RBFOX1: variants seen among roughly 807,000 people sequenced by gnomAD.
RBFOX1 encodes the protein RNA binding protein fox-1 homolog 1.
RBFOX1 carries 8 observed loss-of-function variants against 57.7 expected under a neutral mutation model. The ratio of observed to expected loss-of-function variants is 0.14; its 90% confidence interval spans 0.08 to 0.25. The LOEUF (loss-of-function observed/expected upper bound fraction) is 0.25. Among genes scored for constraint, RBFOX1 ranks in the 10% least tolerant of loss-of-function variants. The pLI is 1.00. For missense variants in RBFOX1, 611 were observed against 548.5 expected (o/e 1.11, Z -1.14); for synonymous variants, 326 against 222.4 (o/e 1.47, Z -4.15).
chr16:7,020,278 T>C (rs1192518928), intron 3 of RBFOX1, among the ~76,000 whole-genome samples: 2 of 152,098 alleles, frequency 1.3e-5, no homozygotes, highest in African/African-American at 4.8e-5. Flanking sequence ...CAGGCTGGAG[T>C]GCAGAGGCAC....
chr16:6,312,377 C>G (rs1268490742), intron 1 of RBFOX1, among the ~76,000 whole-genome samples: 1 of 152,114 alleles, frequency 6.6e-6, no homozygotes. Context: ...CTCATTGCTA[C>G]TTCTGCTGTT....
At position 7,699,156 on chromosome 16, in the gene RBFOX1, C is replaced by T. The variant is rs560608398; in HGVS notation, c.996-9900C>T. Among the ~76,000 whole-genome samples, 17 of 152,266 alleles carry T rather than the reference C, an allele frequency of 1.1e-4. No homozygotes were observed. The South Asian group carries it at 3.3e-3, about 30-fold the overall frequency. ...CCCCAGATAATTGTAATAGAAAAGA[C>T]CTCACACCTTGGGACACACTAACTG... On this transcript the variant is annotated intron_variant, in intron 14 of 15. Coordinates refer to ENST00000550418, the MANE Select transcript of RBFOX1 (RefSeq NM_018723.4).
At chr16:5,300,059 G>T (rs1025762948) in intron 1 of RBFOX1, among the ~76,000 whole-genome samples, 16 of 151,320 alleles carry the variant, frequency 1.1e-4, no homozygotes, top group Non-Finnish European at 1.8e-4. Flanking sequence ...TGAGAAAATT[G>T]TAAGTTTTTT....
chr16:6,877,944 G>C (rs1279129205), intron 3 of RBFOX1, among the ~76,000 whole-genome samples: 4 of 152,114 alleles, frequency 2.6e-5, no homozygotes, highest in African/African-American at 7.2e-5. Context: ...CAGAGTCTTG[G>C]ATTAGCAAAA....
chr16:5,447,409 TC>T (rs2068280816), intron 1 of RBFOX1, among the ~76,000 whole-genome samples: 2 of 147,950 alleles, frequency 1.4e-5, no homozygotes. Flanking sequence ...TCTCTCTCTC[TC>T]GACGCAGTCT....
intron 3 of RBFOX1, among the ~76,000 whole-genome samples, chr16:6,834,913 G>T (rs1301666128): frequency 9.9e-4 from 123 of 123,988 alleles, no homozygotes; most frequent in African/African-American, 3.5e-3. Context: ...TTTTTTTTGA[G>T]ATGGTGTCTC....
chr16:5,428,925 A>G (rs1170806023), intron 1 of RBFOX1, among the ~76,000 whole-genome samples: 2 of 152,032 alleles, frequency 1.3e-5, no homozygotes, highest in Non-Finnish European at 2.9e-5. Context: ...GTATAAGGTG[A>G]TCTTTATGGC....
At chr16:6,840,312 G>A (rs1299267315) in intron 3 of RBFOX1, among the ~76,000 whole-genome samples, 1 of 152,190 alleles carries the variant, frequency 6.6e-6, no homozygotes, top group Non-Finnish European at 1.5e-5. Flanking sequence ...TAGGGTGTAA[G>A]GGGCTGCAGG....
intron 3 of RBFOX1, among the ~76,000 whole-genome samples, chr16:6,900,663 C>T (rs889954429): frequency 1.3e-5 from 2 of 152,212 alleles, no homozygotes; most frequent in Non-Finnish European, 2.9e-5. Flanking sequence ...GACCTCGTCC[C>T]ACCAACATCA....
At chr16:7,610,305 G>C (rs2057230182) in intron 10 of RBFOX1, among the ~76,000 whole-genome samples, 1 of 151,470 alleles carries the variant, frequency 6.6e-6, no homozygotes, top group African/African-American at 2.4e-5. Context: ...TTTTTTTGTA[G>C]AGACAGGGTT....
intron 3 of RBFOX1, among the ~76,000 whole-genome samples, chr16:5,861,041 C>A (rs944493082): frequency 3.9e-5 from 6 of 152,110 alleles, no homozygotes; most frequent in African/African-American, 1.2e-4. Flanking sequence ...GGCTGGTGTA[C>A]CAGAGAGAAC....
chr16:5,474,620 C>G (rs1477625794), intron 2 of RBFOX1, among the ~76,000 whole-genome samples: 1 of 151,778 alleles, frequency 6.6e-6, no homozygotes, highest in South Asian at 2.1e-4. Flanking sequence ...CGCCATTGCA[C>G]TCCAGCCTGG....
chr16:6,413,090 C>T (rs970322139), intron 2 of RBFOX1, among the ~76,000 whole-genome samples: 5 of 152,106 alleles, frequency 3.3e-5, no homozygotes, highest in South Asian at 2.1e-4. Context: ...GAGGCCAAGG[C>T]GGGTGGATCA....
chr16:6,898,993 TATA>T (rs1262316588), intron 3 of RBFOX1, among the ~76,000 whole-genome samples: 2 of 142,966 alleles, frequency 1.4e-5, no homozygotes, highest in Admixed American at 7.2e-5. Context: ...TGTGCATATA[TATA>T]ATGCGTGTAT....
chr16:6,384,989 C>G (rs912866960), intron 2 of RBFOX1, among the ~76,000 whole-genome samples: 2 of 152,190 alleles, frequency 1.3e-5, no homozygotes, highest in East Asian at 1.9e-4. Context: ...GTGGGTGTCA[C>G]TCACCCTATT....
intron 4 of RBFOX1, among the ~76,000 whole-genome samples, chr16:7,272,948 C>T (rs1344406995): frequency 7.1e-6 from 1 of 140,346 alleles, no homozygotes; most frequent in African/African-American, 2.7e-5. Flanking sequence ...TCCTTCCCTG[C>T]TTTCTTCCTT....
chr16:6,299,388 T>C (rs1599359415), intron 1 of RBFOX1, among the ~76,000 whole-genome samples: 1 of 152,342 alleles, frequency 6.6e-6, no homozygotes, highest in Non-Finnish European at 1.5e-5. Flanking sequence ...ATTCTAAAAA[T>C]AGCGTTTTGA....
intron 1 of RBFOX1, among the ~76,000 whole-genome samples, chr16:6,258,480 G>A (rs1026078616): frequency 3.9e-5 from 6 of 152,152 alleles, no homozygotes; most frequent in Non-Finnish European, 8.8e-5. Flanking sequence ...TTTACACTCT[G>A]TTTCCAAATA....
intron 5 of RBFOX1, among the ~76,000 whole-genome samples, chr16:7,566,921 C>G (rs559938843): frequency 1.3e-5 from 2 of 151,916 alleles, no homozygotes; most frequent in South Asian, 4.2e-4. Context: ...TTCATAAAAC[C>G]TTCAGTGTAT....
Sources: gnomAD v4.1 joint callset for allele counts (sites outside exome capture counted in the v4.1 genomes callset) on GRCh38, gnomAD v4.1.1 for gene constraint, MANE v1.5 for transcripts, NCBI Gene and HGNC (gene_info 2026-07-23, HGNC 2026-07-21) for gene names.